DIP2C: variants seen among roughly 807,000 people sequenced by gnomAD.
DIP2C encodes the protein disco-interacting protein 2 homolog C.
A neutral mutation model predicts 192.4 loss-of-function variants in DIP2C; 33 were observed. The ratio of observed to expected loss-of-function variants is 0.17; its 90% CI spans 0.13 to 0.23. The LOEUF (loss-of-function observed/expected upper bound fraction) is 0.23, where lower values mean the gene tolerates loss of function less well. Among genes scored for constraint, DIP2C ranks in the 10% least tolerant of loss-of-function variants. The pLI, the probability that DIP2C is intolerant of heterozygous loss-of-function variation, is 1.00. For synonymous variants in DIP2C, 979 were observed against 864.1 expected, an observed-to-expected ratio of 1.13 and a Z score of -2.33; for missense variants, 1,537 against 2,110.1, an observed-to-expected ratio of 0.73 and a Z score of 5.32.
In DIP2C at chr10:429,617, G is replaced by A. The variant is rs371772925; in HGVS notation, c.395-6584C>T. Among the ~76,000 whole-genome samples, 17 of 149,628 alleles carry A rather than the reference G, an allele frequency of 1.1e-4. No individual in the cohort carries two copies. In the East Asian group the frequency reaches 1.6e-3, roughly 14 times the overall value. On this transcript the variant is annotated intron_variant, in intron 4 of 36. Coordinates refer to ENST00000280886, the MANE Select transcript of DIP2C (RefSeq NM_014974.3). ...TCCATAGTCTTGCCTTTCCCAGGAC[G>A]TCACATAGCTAAAATCATACAGCAA...
At chr10:508,684 G>A (rs1413401635) in intron 1 of DIP2C, among the ~76,000 whole-genome samples, 1 of 152,066 alleles carries the variant, frequency 6.6e-6, no homozygotes, top group Non-Finnish European at 1.5e-5. Flanking sequence ...CACGTATTTT[G>A]GTCAACGTAA....
chr10:538,625 T>G (rs529905127), intron 1 of DIP2C, among the ~76,000 whole-genome samples: 1 of 152,350 alleles, frequency 6.6e-6, no homozygotes, highest in South Asian at 2.1e-4. Context: ...CCTCTGGGTT[T>G]CAGTGTTTTG....
intron 1 of DIP2C, among the ~76,000 whole-genome samples, chr10:545,166 C>CCTTTTTTTTTTTTTTTTTTTT (rs1554896881): frequency 3.5e-5 from 3 of 86,340 alleles, no homozygotes; most frequent in East Asian, 6.0e-4. Context: ...GGTGTTTTCC[C>CCTTTTTTTTTTTTTTTTTTTT]TTTTTTTTTT....
At chr10:338,783 G>A (rs1375971358) in intron 29 of DIP2C, among the ~76,000 whole-genome samples, 2 of 150,292 alleles carry the variant, frequency 1.3e-5, no homozygotes, top group Non-Finnish European at 3.0e-5. Context: ...CACTGCCCAC[G>A]CCACCTGCAC....
intron 1 of DIP2C, among the ~76,000 whole-genome samples, chr10:514,897 C>T (rs1846252152): frequency 6.6e-6 from 1 of 152,118 alleles, no homozygotes; most frequent in South Asian, 2.1e-4. Context: ...TAGGTGCCTG[C>T]AATAACCTCA....
At chr10:378,577 A>C (rs1034567130) in intron 17 of DIP2C, among the ~76,000 whole-genome samples, 2 of 111,476 alleles carry the variant, frequency 1.8e-5, no homozygotes, top group Non-Finnish European at 3.7e-5. Flanking sequence ...ACATGCAGAC[A>C]TGTGAACGCA....
intron 1 of DIP2C, among the ~76,000 whole-genome samples, chr10:584,940 C>T (rs1176984731): frequency 7.7e-6 from 1 of 130,600 alleles, no homozygotes; most frequent in African/African-American, 3.0e-5. Context: ...ACGCGCATCA[C>T]CTCTCAATCT....
At chr10:432,075 TG>T (rs1966862235) in intron 4 of DIP2C, among the ~76,000 whole-genome samples, 1 of 152,144 alleles carries the variant, frequency 6.6e-6, no homozygotes, top group Non-Finnish European at 1.5e-5. Flanking sequence ...CACTTGGTTT[TG>T]GTGCACAATT....
intron 32 of DIP2C, among the ~76,000 whole-genome samples, chr10:300,799 A>G (rs1301130551): frequency 1.3e-5 from 2 of 150,282 alleles, no homozygotes; most frequent in Non-Finnish European, 3.0e-5. Context: ...GAGAAGCCGG[A>G]ACCCAGGGGC....
At chr10:450,746 A>G (rs778796114) in intron 3 of DIP2C, among the ~76,000 whole-genome samples, 7 of 152,170 alleles carry the variant, frequency 4.6e-5, no homozygotes, top group Non-Finnish European at 7.3e-5. Flanking sequence ...AGAGCTTCCC[A>G]AGAGAAAACA....
In DIP2C at chr10:353,980, G is replaced by A. The variant is rs887200499; in HGVS notation, c.2985+2446C>T. On this transcript the variant is annotated intron_variant, in intron 24 of 36. Transcript: ENST00000280886. ...GGAAAGACACTATGAATGCCGTGAG[G>A]ACGATGCTGCTACCTTGGTCCAGGC... Among the ~76,000 whole-genome samples the A allele has an allele frequency of 2.6e-5, 4 of 152,230 alleles. No individual in the cohort carries two copies. In the South Asian group the frequency reaches 8.3e-4, roughly 32 times the overall value.
At chr10:554,701 C>G (rs915385526) in intron 1 of DIP2C, among the ~76,000 whole-genome samples, 1 of 152,200 alleles carries the variant, frequency 6.6e-6, no homozygotes, top group Admixed American at 6.5e-5. Flanking sequence ...CAGGACACCG[C>G]GCACAGATTC....
chr10:397,703 T>C (rs1001664053), intron 10 of DIP2C, among the ~76,000 whole-genome samples: 1 of 152,236 alleles, frequency 6.6e-6, no homozygotes, highest in Non-Finnish European at 1.5e-5. Context: ...CCCCACTTCA[T>C]GTCTCTTACA....
At chr10:430,239 A>G (rs1224620708) in intron 4 of DIP2C, 2 of 152,192 alleles carry the variant, frequency 1.3e-5, no homozygotes, top group African/African-American at 4.8e-5. Context: ...TTCATTTTTT[A>G]AAGACAGGAT....
chr10:627,784 C>T (rs1854288644), intron 1 of DIP2C, among the ~76,000 whole-genome samples: 1 of 152,262 alleles, frequency 6.6e-6, no homozygotes, highest in Non-Finnish European at 1.5e-5. Context: ...CCGCACGGCT[C>T]AGCCACGTGG....
chr10:591,968 C>T (rs957962648), intron 1 of DIP2C, among the ~76,000 whole-genome samples: 8 of 152,176 alleles, frequency 5.3e-5, no homozygotes, highest in African/African-American at 1.9e-4. Context: ...AAGAACGATG[C>T]GAGTCTAAGT....
intron 1 of DIP2C, among the ~76,000 whole-genome samples, chr10:594,121 C>T (rs183176744): frequency 2.0e-5 from 3 of 152,320 alleles, no homozygotes; most frequent in East Asian, 3.9e-4. Flanking sequence ...GAGGGGCCGA[C>T]GGTGCTGAGT....
intron 24 of DIP2C, among the ~76,000 whole-genome samples, chr10:352,537 G>A (rs1251035987): frequency 6.6e-6 from 1 of 152,234 alleles, no homozygotes; most frequent in Non-Finnish European, 1.5e-5. Context: ...CCTTGAGATA[G>A]TGCTGTGCTG....
At chr10:483,611 C>T (rs1843776262) in intron 2 of DIP2C, among the ~76,000 whole-genome samples, 2 of 152,204 alleles carry the variant, frequency 1.3e-5, no homozygotes, top group Non-Finnish European at 2.9e-5. Context: ...TGAAATGGAC[C>T]TCGTGGCTAA....
Sources: allele counts gnomAD v4.1 joint callset (sites outside exome capture counted in the v4.1 genomes callset), GRCh38; gene constraint gnomAD v4.1.1; transcripts MANE v1.5; gene names NCBI Gene and HGNC (gene_info 2026-07-23, HGNC 2026-07-21).